KHDRBS3: variants seen among roughly 807,000 people sequenced by gnomAD.
KHDRBS3 encodes KH RNA binding domain containing, signal transduction associated 3.
A neutral mutation model predicts 45.6 loss-of-function variants in KHDRBS3; 23 were observed. The observed-to-expected ratio is 0.50, with a 90% confidence interval of 0.36 to 0.72. The LOEUF is 0.72. KHDRBS3 is among the 30% of genes least tolerant of loss of function. The pLI is 0.00. For synonymous variants in KHDRBS3, 162 were observed against 156.5 expected (o/e 1.04, Z -0.26); for missense variants, 352 against 424.8 (o/e 0.83, Z 1.51).
chr8:135,517,463 G>A (rs1824670235), intron 1 of KHDRBS3, among the ~76,000 whole-genome samples: 1 of 151,902 alleles, frequency 6.6e-6, no homozygotes, highest in Non-Finnish European at 1.5e-5. Flanking sequence ...TCTCAGTTAG[G>A]GACAGGCATA....
rs569645698 is a variant in KHDRBS3, at chr8:135,634,496, A to G, written c.891-10563A>G. 3.5e-4 allele frequency among the ~76,000 whole-genome samples: 54 copies of G among 152,342 alleles called. 1 individual carries two copies. In the South Asian group the frequency reaches 0.01, roughly 29 times the overall value. On this transcript the variant is annotated intron_variant, in intron 7 of 8. Coordinates refer to ENST00000355849, the MANE Select transcript of KHDRBS3 (RefSeq NM_006558.3). The stretch of plus-strand genomic sequence containing the variant: ...AATGGAAAATTATGTAAATATTCCA[A>G]TTATTGTCAAATGAATGTGATTTTT...
At chr8:135,631,969 A>G (rs1239551188) in intron 7 of KHDRBS3, among the ~76,000 whole-genome samples, 1 of 152,206 alleles carries the variant, frequency 6.6e-6, no homozygotes, top group African/African-American at 2.4e-5. Context: ...CGATAGAAAT[A>G]TTTCAGCTCC....
At chr8:135,546,590 T>C (rs1333355842) in intron 3 of KHDRBS3, among the ~76,000 whole-genome samples, 1 of 152,214 alleles carries the variant, frequency 6.6e-6, no homozygotes, top group Non-Finnish European at 1.5e-5. Flanking sequence ...ATCATTACTA[T>C]ATTTATCATT....
chr8:135,625,391 G>T (rs758265373), intron 7 of KHDRBS3: 3 of 811,810 alleles, frequency 3.7e-6, no homozygotes, highest in Non-Finnish European at 6.5e-6. Context: ...TACATTGAGT[G>T]CTGCATCAAC....
chr8:135,614,271 G>C lies in KHDRBS3; in HGVS notation c.890+7234G>C, dbSNP rs1049205769. Reference sequence around the variant, plus strand: ...ACACAGCTTCGGAATAGCTAGTATAGTGAATCAAAACGAATGGGTGATAAT... The same window carrying C: ...ACACAGCTTCGGAATAGCTAGTATACTGAATCAAAACGAATGGGTGATAAT... On this transcript the variant is annotated intron_variant, in intron 7 of 8. Coordinates refer to ENST00000355849, the MANE Select transcript of KHDRBS3 (RefSeq NM_006558.3). 1.1e-4 allele frequency among the ~76,000 whole-genome samples: 16 copies of C among 151,884 alleles called. 1 individual carries two copies. The highest frequency in any genetic ancestry group is 8.5e-4 in the Admixed American group (13 of 15,264).
chr8:135,589,352 G>C (rs894575924), intron 6 of KHDRBS3, among the ~76,000 whole-genome samples: 1 of 152,078 alleles, frequency 6.6e-6, no homozygotes, highest in Non-Finnish European at 1.5e-5. Context: ...GAAAATTCTA[G>C]AAGGATCTTA....
chr8:135,625,220 C>T (rs1396048870), intron 7 of KHDRBS3: 6 of 1,398,186 alleles, frequency 4.3e-6, no homozygotes, highest in Non-Finnish European at 5.1e-6. Flanking sequence ...GGGCCTCCTT[C>T]ATCAGATGTC....
At chr8:135,560,327 T>C (rs1325274038) in intron 5 of KHDRBS3, among the ~76,000 whole-genome samples, 1 of 152,110 alleles carries the variant, frequency 6.6e-6, no homozygotes, top group African/African-American at 2.4e-5. Context: ...TGTTACAACA[T>C]TTATTTTATA....
intron 2 of KHDRBS3, among the ~76,000 whole-genome samples, chr8:135,522,902 T>C (rs1158274555): frequency 6.6e-6 from 1 of 152,208 alleles, no homozygotes; most frequent in African/African-American, 2.4e-5. Context: ...TCTTGCACTA[T>C]TTGTTGAAAG....
chr8:135,609,072 A>G (rs1212636067), intron 7 of KHDRBS3, among the ~76,000 whole-genome samples: 2 of 152,168 alleles, frequency 1.3e-5, no homozygotes, highest in Non-Finnish European at 2.9e-5. Flanking sequence ...CTTTATAAAC[A>G]CTAAACGCTT....
At chr8:135,475,490 T>G (rs1421623808) in intron 1 of KHDRBS3, among the ~76,000 whole-genome samples, 2 of 151,894 alleles carry the variant, frequency 1.3e-5, no homozygotes, top group Non-Finnish European at 1.5e-5. Context: ...TTTTGTATTT[T>G]TAGTAGAGAC....
chr8:135,637,899 A>C (rs1830884145), intron 7 of KHDRBS3, among the ~76,000 whole-genome samples: 1 of 152,248 alleles, frequency 6.6e-6, no homozygotes, highest in East Asian at 1.9e-4. Flanking sequence ...AGGACTTTTA[A>C]GAAACAGTAG....
intron 1 of KHDRBS3, 143 bp downstream of exon 1, chr8:135,458,097 A>T: frequency 7.2e-7 from 1 of 1,392,306 alleles, no homozygotes; most frequent in Non-Finnish European, 9.3e-7. Flanking sequence ...GGTCGTTTGC[A>T]CGGGGACCTG....
chr8:135,625,622 A>G, intron 7 of KHDRBS3: 1 of 903,004 alleles, frequency 1.1e-6, no homozygotes, highest in Non-Finnish European at 1.9e-6. Context: ...AGTCTTTTCC[A>G]TCATAATTTG....
At chr8:135,556,187 A>G (rs1826877963) in intron 4 of KHDRBS3, among the ~76,000 whole-genome samples, 1 of 152,226 alleles carries the variant, frequency 6.6e-6, no homozygotes, top group African/African-American at 2.4e-5. Context: ...ATAGTGCTGC[A>G]GTAAACATAC....
At chr8:135,578,821 T>G (rs1339193854) in intron 5 of KHDRBS3, among the ~76,000 whole-genome samples, 1 of 152,230 alleles carries the variant, frequency 6.6e-6, no homozygotes, top group East Asian at 1.9e-4. Context: ...AACTGGAGTC[T>G]TAACAATGTT....
chr8:135,566,635 A>G (rs546660980), intron 5 of KHDRBS3, among the ~76,000 whole-genome samples: 1 of 152,122 alleles, frequency 6.6e-6, no homozygotes, highest in South Asian at 2.1e-4. Flanking sequence ...TGGGAAGATC[A>G]CTTGAGCCCA....
chr8:135,493,258 T>A (rs920724366), intron 1 of KHDRBS3, among the ~76,000 whole-genome samples: 15 of 152,120 alleles, frequency 9.9e-5, no homozygotes, highest in African/African-American at 3.6e-4. Flanking sequence ...TGGATAGTTT[T>A]TTTTTCTCCC....
At position 135,495,513 on chromosome 8, in the gene KHDRBS3, G is replaced by A. The variant is rs533191623; in HGVS notation, c.89-25724G>A. On this transcript the variant is annotated intron_variant, in intron 1 of 8. Transcript: ENST00000355849. ...TGACAAGAATTAATTATATCAGGCA[G>A]AACATGATATCAGTGAGAAGACGAT... Among the ~76,000 whole-genome samples the A allele has an allele frequency of 2.5e-3, 380 of 152,318 alleles. 1 individual carries two copies. Among genetic ancestry groups the A allele is most frequent in the Non-Finnish European group, 4.7e-3 (317 of 68,022 alleles).
Sources: gnomAD v4.1 joint callset for allele counts (sites outside exome capture counted in the v4.1 genomes callset) on GRCh38, gnomAD v4.1.1 for gene constraint, MANE v1.5 for transcripts, NCBI Gene and HGNC (gene_info 2026-07-23, HGNC 2026-07-21) for gene names.